Variants in SEMA3A observed in about 807,000 individuals in gnomAD.
SEMA3A encodes semaphorin-3A.
SEMA3A carries 29 observed loss-of-function variants against 97.9 expected under a neutral mutation model. That is an observed-to-expected ratio of 0.30 (90% confidence interval 0.22 to 0.40). The LOEUF is 0.40. SEMA3A is among the 10% of genes least tolerant of loss of function. SEMA3A has a pLI of 1.00. For synonymous variants in SEMA3A, 321 were observed against 323.7 expected (o/e 0.99, Z 0.09); for missense variants, 763 against 951.3 (o/e 0.80, Z 2.60).
At chr7:84,447,079 G>A (rs970857460) in intron 1 of SEMA3A, among the ~76,000 whole-genome samples, 5 of 152,182 alleles carry the variant, frequency 3.3e-5, no homozygotes, top group Non-Finnish European at 1.5e-5. Context: ...TGATTTCAAA[G>A]CAAAGTTGAA....
At chr7:84,116,856 G>A (rs1795448456) in intron 3 of SEMA3A, among the ~76,000 whole-genome samples, 1 of 152,158 alleles carries the variant, frequency 6.6e-6, no homozygotes, top group East Asian at 1.9e-4. Context: ...TGGCCACCCA[G>A]TCTGTGCCAC....
intron 1 of SEMA3A, among the ~76,000 whole-genome samples, chr7:84,428,649 A>G (rs746764986): frequency 2.0e-5 from 3 of 152,064 alleles, no homozygotes; most frequent in Non-Finnish European, 2.9e-5. Context: ...GAATTCCATT[A>G]GTATAAAAAT....
chr7:84,479,996 T>C (rs138998935), intron 1 of SEMA3A, among the ~76,000 whole-genome samples: 1 of 152,330 alleles, frequency 6.6e-6, no homozygotes, highest in East Asian at 1.9e-4. Context: ...TTTAAGTTAA[T>C]ATAAGGGTCT....
At position 84,251,628 on chromosome 7, in the gene SEMA3A, G is replaced by A. The variant is rs552950116; in HGVS notation, c.-83+55579C>T. On this transcript the variant is annotated intron_variant, in intron 3 of 3. Coordinates refer to the SEMA3A transcript ENST00000424555. ...AAACCAAGCTACACAGTTAGTGACC[G>A]CCCTAGCACTCTTTACATAAAACTT... Among the ~76,000 whole-genome samples the A allele has an allele frequency of 3.6e-4, 55 of 152,246 alleles. No homozygotes were observed. The East Asian group carries it at 6.8e-3, about 19-fold the overall frequency.
chr7:84,295,999 C>T (rs776858320), intron 3 of SEMA3A, among the ~76,000 whole-genome samples: 19 of 152,028 alleles, frequency 1.2e-4, no homozygotes, highest in Admixed American at 1.3e-4. Context: ...CAAAATACAT[C>T]ATATTTAGAT....
At chr7:84,040,842 C>T (rs1792111811) in intron 6 of SEMA3A, among the ~76,000 whole-genome samples, 1 of 151,986 alleles carries the variant, frequency 6.6e-6, no homozygotes, top group Admixed American at 6.6e-5. Context: ...AAGGAAGCTG[C>T]CTTTGATATA....
At chr7:84,086,727 T>C (rs1794389484) in intron 4 of SEMA3A, among the ~76,000 whole-genome samples, 2 of 149,566 alleles carry the variant, frequency 1.3e-5, no homozygotes, top group South Asian at 4.2e-4. Context: ...TATACATATA[T>C]ATGTGTGTAT....
At chr7:84,366,819 C>G (rs983959513) in intron 2 of SEMA3A, among the ~76,000 whole-genome samples, 4 of 151,284 alleles carry the variant, frequency 2.6e-5, no homozygotes, top group Admixed American at 1.3e-4. Context: ...TGGTAAATTG[C>G]TATTCCAACA....
intron 1 of SEMA3A, among the ~76,000 whole-genome samples, chr7:84,153,307 A>C (rs2116133425): frequency 6.6e-6 from 1 of 152,314 alleles, no homozygotes; most frequent in South Asian, 2.1e-4. Context: ...TGTCATCCAC[A>C]TACATACAGT....
intron 3 of SEMA3A, among the ~76,000 whole-genome samples, chr7:84,266,533 A>T (rs1241151231): frequency 6.6e-6 from 1 of 151,694 alleles, no homozygotes. Flanking sequence ...ACAAAAATAT[A>T]AAAAAAAGAC....
intron 1 of SEMA3A, among the ~76,000 whole-genome samples, chr7:84,484,805 TA>T (rs1159792323): frequency 1.3e-5 from 2 of 152,180 alleles, no homozygotes; most frequent in Admixed American, 1.3e-4. Flanking sequence ...CTCATATAAA[TA>T]AAGTATGAAT....
intron 3 of SEMA3A, among the ~76,000 whole-genome samples, chr7:84,268,562 T>C (rs1562879600): frequency 6.6e-6 from 1 of 152,028 alleles, no homozygotes; most frequent in East Asian, 1.9e-4. Flanking sequence ...TTAGGATAAA[T>C]TGGGTTGGCT....
intron 6 of SEMA3A, among the ~76,000 whole-genome samples, chr7:84,041,257 AT>A (rs1478336537): frequency 2.6e-5 from 4 of 152,128 alleles, no homozygotes; most frequent in African/African-American, 9.7e-5. Context: ...TATGTCCTTG[AT>A]AAAGGATATC....
chr7:84,299,770 A>G (rs1400461405), intron 3 of SEMA3A, among the ~76,000 whole-genome samples: 2 of 34,608 alleles, frequency 5.8e-5, no homozygotes, highest in African/African-American at 1.1e-4. Flanking sequence ...CATTTAATCT[A>G]TTAAAAACAA....
At chr7:83,990,433 A>G (rs1352146404) in intron 12 of SEMA3A, among the ~76,000 whole-genome samples, 1 of 144,788 alleles carries the variant, frequency 6.9e-6, no homozygotes, top group Non-Finnish European at 1.5e-5. Context: ...GTTTTCTTCT[A>G]GGGTTTTTAT....
At chr7:84,000,863 A>G (rs1020742700) in intron 12 of SEMA3A, among the ~76,000 whole-genome samples, 8 of 152,140 alleles carry the variant, frequency 5.3e-5, no homozygotes, top group Non-Finnish European at 8.8e-5. Flanking sequence ...ATAACATTGT[A>G]TATAGGTATG....
At chr7:84,246,639 A>G (rs1195580776) in intron 3 of SEMA3A, among the ~76,000 whole-genome samples, 2 of 152,130 alleles carry the variant, frequency 1.3e-5, no homozygotes, top group Non-Finnish European at 2.9e-5. Context: ...CTAATTTGTC[A>G]AAATTCTCAA....
rs566298486 is a variant in SEMA3A, at chr7:83,980,759, C to A, written c.1652+562G>T. On this transcript the variant is annotated intron_variant, in intron 14 of 16. Coordinates refer to ENST00000265362, the MANE Select transcript of SEMA3A (RefSeq NM_006080.3). ...TGGTTTTATGTTTCAAGTTCAGACACTGCAAATGCAAGGTGATGCTATAAT... is the reference window on the plus strand; with the variant it reads ...TGGTTTTATGTTTCAAGTTCAGACAATGCAAATGCAAGGTGATGCTATAAT... 7.5e-4 allele frequency among the ~76,000 whole-genome samples: 113 copies of A among 151,298 alleles called. 1 individual carries two copies. The highest frequency in any genetic ancestry group is 2.6e-3 in the African/African-American group (108 of 41,288).
chr7:84,319,774 C>A (rs765291521), intron 2 of SEMA3A, among the ~76,000 whole-genome samples: 2 of 152,056 alleles, frequency 1.3e-5, no homozygotes, highest in African/African-American at 2.4e-5. Flanking sequence ...GTGTTATTAA[C>A]AGGTCTTTCA....
Sources: allele counts gnomAD v4.1 joint callset (sites outside exome capture counted in the v4.1 genomes callset), GRCh38; gene constraint gnomAD v4.1.1; transcripts MANE v1.5; gene names NCBI Gene and HGNC (gene_info 2026-07-23, HGNC 2026-07-21).